Variants in CCSER1 observed in about 807,000 individuals in gnomAD.
CCSER1 encodes serine-rich coiled-coil domain-containing protein 1.
A neutral mutation model predicts 82.0 loss-of-function variants in CCSER1; 41 were observed. That is an observed-to-expected ratio of 0.50 (90% CI 0.39 to 0.65). The LOEUF (loss-of-function observed/expected upper bound fraction) is 0.65. Ranked by LOEUF, CCSER1 falls within the 30% of genes least tolerant of loss-of-function variation. CCSER1 has a pLI of 0.00. For missense variants in CCSER1, 1,119 were observed against 1,064.2 expected, an observed-to-expected ratio of 1.05 and a Z score of -0.72; for synonymous variants, 414 against 383.9, an observed-to-expected ratio of 1.08 and a Z score of -0.92.
At chr4:90,207,648 T>A (rs1051433921) in intron 1 of CCSER1, among the ~76,000 whole-genome samples, 1 of 152,194 alleles carries the variant, frequency 6.6e-6, no homozygotes, top group African/African-American at 2.4e-5. Context: ...ACCTTTGGTC[T>A]TTGATGTTGG....
chr4:91,595,838 G>T (rs1490393371), intron 10 of CCSER1, among the ~76,000 whole-genome samples: 2 of 146,732 alleles, frequency 1.4e-5, no homozygotes, highest in African/African-American at 5.0e-5. Flanking sequence ...AAGAATAAAT[G>T]AATTCATATA....
At chr4:90,615,675 G>GTTTTTTTTTTTTTTTTTTTTTTT (rs59211032) in intron 5 of CCSER1, among the ~76,000 whole-genome samples, 1 of 147,440 alleles carries the variant, frequency 6.8e-6, no homozygotes. Flanking sequence ...AGAAAGTGTT[G>GTTTTTTTTTTTTTTTTTTTTTTT]TTTTTTTTTT....
chr4:91,363,137 A>G (rs1749360996), intron 10 of CCSER1, among the ~76,000 whole-genome samples: 1 of 151,830 alleles, frequency 6.6e-6, no homozygotes, highest in African/African-American at 2.4e-5. Context: ...AACAAAAAAC[A>G]AAAACAAAAC....
At chr4:90,554,620 C>T (rs1196506960) in intron 5 of CCSER1, among the ~76,000 whole-genome samples, 1 of 152,170 alleles carries the variant, frequency 6.6e-6, no homozygotes, top group Non-Finnish European at 1.5e-5. Context: ...TACCAGCCAG[C>T]TAAATGCAAT....
At chr4:90,305,612 T>C (rs1363481684) in intron 1 of CCSER1, among the ~76,000 whole-genome samples, 1 of 152,208 alleles carries the variant, frequency 6.6e-6, no homozygotes, top group African/African-American at 2.4e-5. Flanking sequence ...GTTTATGTTT[T>C]AGGTTTTCTT....
chr4:90,249,098 T>C (rs1578744775), intron 1 of CCSER1, among the ~76,000 whole-genome samples: 1 of 152,106 alleles, frequency 6.6e-6, no homozygotes, highest in Non-Finnish European at 1.5e-5. Flanking sequence ...GGCAAAGACA[T>C]GGCATACTTC....
intron 10 of CCSER1, among the ~76,000 whole-genome samples, chr4:91,117,631 C>T (rs1463468103): frequency 6.6e-6 from 1 of 152,002 alleles, no homozygotes; most frequent in Non-Finnish European, 1.5e-5. Context: ...CGAAAGGTAC[C>T]TCAGTTTTGT....
chr4:90,316,518 G>GAAT (rs1240767554), intron 3 of CCSER1, among the ~76,000 whole-genome samples: 1 of 152,178 alleles, frequency 6.6e-6, no homozygotes, highest in Non-Finnish European at 1.5e-5. Flanking sequence ...AAATGCTGAT[G>GAAT]AATAGTATCA....
intron 10 of CCSER1, among the ~76,000 whole-genome samples, chr4:91,546,218 A>C (rs1424842600): frequency 6.6e-6 from 1 of 152,068 alleles, no homozygotes. Context: ...TTTATGAGAG[A>C]TGTAGGTCTA....
At chr4:90,569,464 C>G (rs143201403) in intron 5 of CCSER1, among the ~76,000 whole-genome samples, 2 of 152,146 alleles carry the variant, frequency 1.3e-5, no homozygotes, top group African/African-American at 4.8e-5. Flanking sequence ...GATGTCTGCT[C>G]AAAGTAGTTG....
At chr4:91,563,426 T>C (rs1762746658) in intron 10 of CCSER1, among the ~76,000 whole-genome samples, 2 of 151,786 alleles carry the variant, frequency 1.3e-5, no homozygotes, top group African/African-American at 4.8e-5. Context: ...ATGAAAATCA[T>C]ATGATCCTTT....
Position 90,781,365 on chromosome 4 carries a change from G to T in CCSER1, c.2011-34397G>T, listed in dbSNP as rs1379148411. The T allele has an allele frequency of 3.0e-6, 3 of 985,280 alleles. No homozygotes were observed. The Admixed American group carries it at 1.8e-4, about 61-fold the overall frequency. The allele number at this position is 985,280 out of a possible 1,614,324, so 61.0% of individuals were successfully genotyped here. ...CAAACCTCTTTTGTACTGTATCTGT[G>T]GAATCCTGGTTACTGGGGCTTTGAG... On this transcript the variant is annotated intron_variant, in intron 7 of 10. Transcript: ENST00000509176.
chr4:90,648,447 G>C (rs1167086548), intron 6 of CCSER1, among the ~76,000 whole-genome samples: 1 of 152,024 alleles, frequency 6.6e-6, no homozygotes, highest in Non-Finnish European at 1.5e-5. Flanking sequence ...ATAAGAGAGA[G>C]TTTCTAAGAA....
rs557963602 is a variant in CCSER1, at chr4:90,763,974, A to C, written c.2010+39983A>C. On this transcript the variant is annotated intron_variant, in intron 7 of 10. Coordinates refer to ENST00000509176, the MANE Select transcript of CCSER1 (RefSeq NM_001145065.2). ...GATTTTATAAAGAGCTTCTAATTTCACATTGATTATTTCAATTAAACCTAA... is the reference window on the plus strand; with the variant it reads ...GATTTTATAAAGAGCTTCTAATTTCCCATTGATTATTTCAATTAAACCTAA... Among the ~76,000 whole-genome samples the C allele has an allele frequency of 1.3e-4, 20 of 152,302 alleles. No homozygotes were observed. The South Asian group carries it at 2.7e-3, about 21-fold the overall frequency.
intron 1 of CCSER1, among the ~76,000 whole-genome samples, chr4:90,140,631 A>ACTTCCAAT (rs1418882547): frequency 7.6e-6 from 1 of 130,882 alleles, no homozygotes; most frequent in Non-Finnish European, 1.7e-5. Flanking sequence ...TGTATAACTT[A>ACTTCCAAT]CTTCCAATCA....
intron 10 of CCSER1, among the ~76,000 whole-genome samples, chr4:91,195,579 A>C (rs1162493041): frequency 2.6e-5 from 4 of 152,224 alleles, no homozygotes; most frequent in African/African-American, 9.7e-5. Flanking sequence ...GTATTCTGAA[A>C]TCAGAAGAGG....
At chr4:91,539,360 A>G (rs1410838967) in intron 10 of CCSER1, among the ~76,000 whole-genome samples, 2 of 152,038 alleles carry the variant, frequency 1.3e-5, no homozygotes, top group Non-Finnish European at 2.9e-5. Flanking sequence ...CTGACGCTTA[A>G]ACTTATCTTT....
intron 3 of CCSER1, among the ~76,000 whole-genome samples, chr4:90,358,697 G>T (rs1236608734): frequency 6.6e-6 from 1 of 152,028 alleles, no homozygotes; most frequent in African/African-American, 2.4e-5. Flanking sequence ...GATTACATTT[G>T]GGGGAGAAAC....
intron 6 of CCSER1, among the ~76,000 whole-genome samples, chr4:90,685,824 T>C (rs115339439): frequency 0.016 from 2,406 of 152,304 alleles, 69 homozygotes; most frequent in African/African-American, 0.055. Flanking sequence ...TGAATACTTT[T>C]GGTTTGATAG....
Sources: gnomAD v4.1 joint callset for allele counts (sites outside exome capture counted in the v4.1 genomes callset) on GRCh38, gnomAD v4.1.1 for gene constraint, MANE v1.5 for transcripts, NCBI Gene and HGNC (gene_info 2026-07-23, HGNC 2026-07-21) for gene names.